RNF38: variants seen among roughly 807,000 people sequenced by gnomAD.
RNF38 encodes ring finger protein 38, also known as E3 ubiquitin-protein ligase RNF38.
Under a neutral mutation model 67.2 loss-of-function variants are expected in RNF38, and 15 were observed. That is an observed-to-expected ratio of 0.22 (90% CI 0.15 to 0.34). The LOEUF (loss-of-function observed/expected upper bound fraction) is 0.34, where lower values mean the gene tolerates loss of function less well. RNF38 is among the 10% of genes least tolerant of loss of function. RNF38 has a pLI of 1.00. For synonymous variants in RNF38, 220 were observed against 218.8 expected (o/e 1.01, Z -0.05); for missense variants, 524 against 639.9 (o/e 0.82, Z 1.95).
At chr9:36,388,006 TACAC>T (rs1325292177) in intron 2 of RNF38, among the ~76,000 whole-genome samples, 1 of 152,190 alleles carries the variant, frequency 6.6e-6, no homozygotes, top group Non-Finnish European at 1.5e-5. Context: ...TACAGGCAGA[TACAC>T]TAGTAGGGAT....
At chr9:36,453,636 G>C (rs187868187) in intron 1 of RNF38, among the ~76,000 whole-genome samples, 16 of 152,172 alleles carry the variant, frequency 1.1e-4, no homozygotes, top group African/African-American at 3.9e-4. Context: ...CACTGCCTTG[G>C]CCTCCCAAAG....
At chr9:36,397,023 G>GTGTATATACGTATATACGTATATACACA (rs1491064103) in intron 1 of RNF38, among the ~76,000 whole-genome samples, 46 of 146,502 alleles carry the variant, frequency 3.1e-4, no homozygotes, top group African/African-American at 1.1e-3. Context: ...GTGTGTGTGT[G>GTGTATATACGTATATACGTATATACACA]TGTATATACG....
chr9:36,439,904 G>A (rs1346335152), intron 1 of RNF38, among the ~76,000 whole-genome samples: 1 of 151,474 alleles, frequency 6.6e-6, no homozygotes, highest in East Asian at 1.9e-4. Context: ...ACATTTTATT[G>A]GTATCCATTG....
In RNF38 at chr9:36,337,147, T is replaced by C. The variant is rs1832506094; in HGVS notation, c.*2605A>G. The C allele has an allele frequency of 6.6e-6, 1 of 152,210 alleles. No individual in the cohort carries two copies. The allele number at this position is 152,210 out of a possible 1,614,324, so 9.4% of individuals were successfully genotyped here. On this transcript the variant is annotated 3_prime_UTR_variant, in exon 12 of 12. Coordinates refer to ENST00000259605, the MANE Select transcript of RNF38 (RefSeq NM_022781.5). ...CTGCTATCTGGTGCATCACCCAAGG[T>C]GACCAATGGCTGGGCACAAATAAAC... is the stretch of plus-strand genomic sequence containing the variant.
At chr9:36,367,181 T>C (rs1835038437) in intron 4 of RNF38, among the ~76,000 whole-genome samples, 1 of 152,186 alleles carries the variant, frequency 6.6e-6, no homozygotes, top group Non-Finnish European at 1.5e-5. Context: ...CCAGGTTTGC[T>C]CAAATGAACA....
At position 36,350,023 on chromosome 9, in the gene RNF38, G is replaced by T. The variant is rs149418119; in HGVS notation, c.1263+1092C>A. 3.8e-3 allele frequency among the ~76,000 whole-genome samples: 572 copies of T among 152,122 alleles called. 3 individuals carry two copies. Among genetic ancestry groups the T allele is most frequent in the African/African-American group, 0.013 (548 of 41,492 alleles). ...TATAGAAACGGGGTTTCACCATGTT[G>T]GCCAGGCTGGCCTCGAACTCCTGAC... is the stretch of plus-strand genomic sequence containing the variant. On this transcript the variant is annotated intron_variant, in intron 9 of 11. Coordinates refer to ENST00000259605, the MANE Select transcript of RNF38 (RefSeq NM_022781.5).
At chr9:36,365,195 A>C (rs1834848193) in intron 4 of RNF38, among the ~76,000 whole-genome samples, 1 of 150,558 alleles carries the variant, frequency 6.6e-6, no homozygotes, top group African/African-American at 2.4e-5. Context: ...GATTATACTA[A>C]TTCTATTATG....
At chr9:36,401,260 G>A, upstream of RNF38, 3 of 981,764 alleles carry the variant, frequency 3.1e-6, no homozygotes, top group Non-Finnish European at 3.6e-6. Flanking sequence ...ACCAGTTCCG[G>A]CAACAGAGCT....
intron 1 of RNF38, among the ~76,000 whole-genome samples, chr9:36,477,561 C>A (rs1840149113): frequency 6.6e-6 from 1 of 151,892 alleles, no homozygotes; most frequent in Non-Finnish European, 1.5e-5. Flanking sequence ...GTGGCTCACA[C>A]CTGTAATCCC....
chr9:36,446,616 G>A (rs1839306319), intron 1 of RNF38, among the ~76,000 whole-genome samples: 1 of 151,806 alleles, frequency 6.6e-6, no homozygotes, highest in Non-Finnish European at 1.5e-5. Context: ...AGACCAGCCT[G>A]GGCAACATGG....
chr9:36,347,919 AC>A (rs1386217975), intron 9 of RNF38, among the ~76,000 whole-genome samples: 1 of 152,128 alleles, frequency 6.6e-6, no homozygotes, highest in Non-Finnish European at 1.5e-5. Context: ...TACTAAAAAT[AC>A]AAAAAATGAG....
At chr9:36,385,307 C>A (rs972901651) in intron 2 of RNF38, among the ~76,000 whole-genome samples, 4 of 151,456 alleles carry the variant, frequency 2.6e-5, no homozygotes, top group Non-Finnish European at 5.9e-5. Context: ...AAGCACTTCC[C>A]AAAGCCAAAC....
chr9:36,461,127 A>C (rs1839723676), intron 1 of RNF38, among the ~76,000 whole-genome samples: 1 of 151,736 alleles, frequency 6.6e-6, no homozygotes, highest in Non-Finnish European at 1.5e-5. Flanking sequence ...AGGCAGGAGA[A>C]TTGCTTGAAC....
At chr9:36,400,377 C>G (rs1273393483), upstream of RNF38, 8 of 1,177,296 alleles carry the variant, frequency 6.8e-6, no homozygotes, top group African/African-American at 4.7e-5. Context: ...ATCTGCCGGG[C>G]AGCGGGCCGG....
chr9:36,452,901 C>T (rs1225548899), intron 1 of RNF38, among the ~76,000 whole-genome samples: 2 of 152,066 alleles, frequency 1.3e-5, no homozygotes, highest in African/African-American at 4.8e-5. Context: ...TATTCATCAG[C>T]GGAAGGGCAT....
chr9:36,428,557 T>A (rs1838849437), intron 1 of RNF38, among the ~76,000 whole-genome samples: 2 of 152,048 alleles, frequency 1.3e-5, no homozygotes, highest in Admixed American at 1.3e-4. Context: ...ATCTTTATGA[T>A]CTCCGTAACA....
chr9:36,383,347 G>A (rs551941933), intron 2 of RNF38, among the ~76,000 whole-genome samples: 8 of 152,170 alleles, frequency 5.3e-5, no homozygotes, highest in South Asian at 4.2e-4. Flanking sequence ...GACTACAGGC[G>A]CGCACCAGCC....
chr9:36,350,983 AAC>A (rs1833649248), intron 9 of RNF38, 130 bp downstream of exon 9: 2 of 684,540 alleles, frequency 2.9e-6, no homozygotes, highest in Non-Finnish European at 5.1e-6. Flanking sequence ...TGTGTGGCCC[AAC>A]ACAGTAATTC....
upstream of RNF38, among the ~76,000 whole-genome samples, chr9:36,405,656 C>G (rs1038996709): frequency 1.3e-5 from 2 of 152,190 alleles, no homozygotes; most frequent in African/African-American, 2.4e-5. Flanking sequence ...GGTTGGCTAA[C>G]TGGACTTGGA....
Sources: allele counts gnomAD v4.1 joint callset (sites outside exome capture counted in the v4.1 genomes callset), GRCh38; gene constraint gnomAD v4.1.1; transcripts MANE v1.5; gene names NCBI Gene and HGNC (gene_info 2026-07-23, HGNC 2026-07-21).